Variants in MYOF observed in about 807,000 individuals in gnomAD.
MYOF encodes the protein myoferlin, also known as fer-1-like 3, myoferlin.
Under a neutral mutation model 284.2 loss-of-function variants are expected in MYOF, and 244 were observed. The observed-to-expected ratio is 0.86, with a 90% CI of 0.77 to 0.95. The LOEUF is 0.95. Ranked by LOEUF, MYOF falls within the 40% of genes least tolerant of loss-of-function variation. MYOF has a pLI of 0.00. For synonymous variants in MYOF, 904 were observed against 919.7 expected, an observed-to-expected ratio of 0.98 and a Z score of 0.31; for missense variants, 2,496 against 2,560.6, an observed-to-expected ratio of 0.97 and a Z score of 0.54.
At chr10:93,432,350 T>G (rs759350690) in intron 3 of MYOF, among the ~76,000 whole-genome samples, 5 of 151,888 alleles carry the variant, frequency 3.3e-5, no homozygotes, top group Non-Finnish European at 7.4e-5. Flanking sequence ...ATTGTATCAC[T>G]GTACCCAGGC....
chr10:93,366,316 G>T (rs905761880), intron 26 of MYOF, 76 bp downstream of exon 26: 12 of 1,443,086 alleles, frequency 8.3e-6, no homozygotes, highest in African/African-American at 2.9e-5. Flanking sequence ...GATGATGACG[G>T]AGATATAATA....
intron 53 of MYOF, 142 bp from the exon 54 acceptor site, chr10:93,307,143 T>C: frequency 1.4e-6 from 1 of 721,734 alleles, no homozygotes; most frequent in Non-Finnish European, 2.2e-6. Context: ...CATTGTAGGA[T>C]GTTCAGCAGC....
intron 5 of MYOF, among the ~76,000 whole-genome samples, chr10:93,415,768 T>C (rs1848093623): frequency 6.6e-6 from 1 of 152,158 alleles, no homozygotes; most frequent in Non-Finnish European, 1.5e-5. Flanking sequence ...CTTAAGGAGT[T>C]TTGCCTCTTT....
At chr10:93,375,776 A>C (rs1845809756) in intron 22 of MYOF, among the ~76,000 whole-genome samples, 1 of 152,192 alleles carries the variant, frequency 6.6e-6, no homozygotes, top group South Asian at 2.1e-4. Flanking sequence ...CTCCAGAAAG[A>C]TTTATGAACC....
chr10:93,361,609 A>G, intron 27 of MYOF, 52 bp from the exon 28 acceptor site: 1 of 1,570,504 alleles, frequency 6.4e-7, no homozygotes, highest in South Asian at 1.1e-5. Context: ...TAGTGTCAGT[A>G]AGAGGCAAAG....
At chr10:93,321,746 T>C (rs1842850613) in intron 48 of MYOF, among the ~76,000 whole-genome samples, 1 of 152,210 alleles carries the variant, frequency 6.6e-6, no homozygotes. Context: ...AATCTTTTCA[T>C]ACTTTAAGAC....
intron 16 of MYOF, among the ~76,000 whole-genome samples, chr10:93,393,786 C>A (rs1358525288): frequency 7.2e-5 from 11 of 152,166 alleles, no homozygotes; most frequent in Non-Finnish European, 1.5e-4. Context: ...CCTCCACTCC[C>A]CTTCCTCCTT....
At chr10:93,455,249 A>G (rs2056713171) in intron 2 of MYOF, among the ~76,000 whole-genome samples, 1 of 152,022 alleles carries the variant, frequency 6.6e-6, no homozygotes, top group Non-Finnish European at 1.5e-5. Flanking sequence ...CCTGCACTCC[A>G]GCCTGGGCAA....
intron 4 of MYOF, 125 bp from the exon 5 acceptor site, chr10:93,426,283 C>T (rs1163595412): frequency 1.1e-5 from 10 of 897,280 alleles, no homozygotes; most frequent in South Asian, 5.3e-5. Flanking sequence ...AGTAGGTAAG[C>T]GAGGCTGGAA....
chr10:93,369,243 C>A (rs879400288), intron 25 of MYOF, among the ~76,000 whole-genome samples: 3 of 121,846 alleles, frequency 2.5e-5, no homozygotes, highest in Non-Finnish European at 3.4e-5. Flanking sequence ...TCTCAAGTGT[C>A]CCCTCTCCTG....
chr10:93,465,412 AT>A (rs1258936029), intron 1 of MYOF, among the ~76,000 whole-genome samples: 1 of 152,202 alleles, frequency 6.6e-6, no homozygotes, highest in Non-Finnish European at 1.5e-5. Context: ...GGCTTTAATG[AT>A]TAAATGAAAG....
intron 16 of MYOF, among the ~76,000 whole-genome samples, chr10:93,394,945 GTTC>G (rs1846926853): frequency 1.3e-5 from 2 of 150,284 alleles, no homozygotes; most frequent in Admixed American, 1.3e-4. Context: ...TAATAACCAG[GTTC>G]TTATTTATGT....
intron 7 of MYOF, among the ~76,000 whole-genome samples, chr10:93,407,021 C>T (rs911844214): frequency 3.9e-5 from 6 of 152,050 alleles, no homozygotes; most frequent in African/African-American, 1.4e-4. Context: ...CTAAATATAT[C>T]ATTTCTCCCC....
rs774196633 is a variant in MYOF at position 93,356,663 on chromosome 10, C to T, written c.3294+12G>A. ...ACCAATATGATCTGCGCTCTGGCAACCTAGTACTTACAAGGGCACCTTCAA... is the reference window on the plus strand; with the variant it reads ...ACCAATATGATCTGCGCTCTGGCAATCTAGTACTTACAAGGGCACCTTCAA... On this transcript the variant is annotated intron_variant, in intron 30 of 53. Transcript: ENST00000359263. 2 of 1,610,458 alleles carry T rather than the reference C, an allele frequency of 1.2e-6. No individual in the cohort carries two copies. Among genetic ancestry groups the T allele is most frequent in the Admixed American group, 3.4e-5 (2 of 59,498 alleles).
intron 16 of MYOF, among the ~76,000 whole-genome samples, chr10:93,395,670 G>A (rs919916103): frequency 3.9e-5 from 6 of 151,920 alleles, no homozygotes; most frequent in African/African-American, 1.5e-4. Flanking sequence ...TTATCTTAGG[G>A]AGTGAGGACT....
Position 93,351,712 on chromosome 10 carries a change from G to A in MYOF, c.3616C>T (p.Gln1206Ter), listed in dbSNP as rs752098935. 6.3e-7 allele frequency: 1 copy of A among 1,598,628 alleles called. No homozygotes were observed. Among genetic ancestry groups the A allele is most frequent in the East Asian group, 2.2e-5 (1 of 44,806 alleles). ...TCCATGATAACTTTGGGTGGATTCT[G>A]TAGAACTGTTTGGGGTTCCCCATAG... is the stretch of plus-strand genomic sequence containing the variant. ...EIYGEPQTVL[Q>*]NPPKVIMELF... Residue 1206 changes from glutamine (Q) to a stop codon, truncating the protein, a stop_gained, in exon 33 of 54, where the codon CAG becomes TAG. Transcript: ENST00000359263. LOFTEE classifies it high-confidence loss of function.
intron 39 of MYOF, chr10:93,338,433 AG>A (rs144011558): frequency 0.014 from 6,589 of 456,896 alleles, 397 homozygotes; most frequent in African/African-American, 0.12. Flanking sequence ...GGCTTGGGCA[AG>A]TTGTTTAACA....
rs779005999 is a variant in MYOF, at chr10:93,316,780, G to A, written c.5632C>T (p.Arg1878Ter). The A allele has an allele frequency of 1.5e-5, 24 of 1,613,694 alleles. No individual in the cohort carries two copies. Among genetic ancestry groups the A allele is most frequent in the African/African-American group, 5.3e-5 (4 of 74,838 alleles). Residue 1878 changes from arginine (R) to a stop codon, truncating the protein, a stop_gained, in exon 50 of 54, where the codon CGA (arginine) becomes TGA (stop). Coordinates refer to ENST00000359263, the MANE Select transcript of MYOF (RefSeq NM_013451.4). LOFTEE classifies it high-confidence loss of function. ...HFWSIDQTEFRIPPRLIIQIW... is the reference protein window; with the variant it reads ...HFWSIDQTEF ...TGAATGATCAGCCTGGGTGGGATTC[G>A]AAATTCCGTTTGGTCAATACTCCAG...
intron 49 of MYOF, among the ~76,000 whole-genome samples, chr10:93,317,307 G>A (rs2133742093): frequency 7.3e-6 from 1 of 137,310 alleles, no homozygotes; most frequent in South Asian, 2.3e-4. Context: ...TCTTTTATCA[G>A]TGCAGATTTA....
Sources: gnomAD v4.1 joint callset for allele counts (sites outside exome capture counted in the v4.1 genomes callset) on GRCh38, gnomAD v4.1.1 for gene constraint, MANE v1.5 for transcripts, NCBI Gene and HGNC (gene_info 2026-07-23, HGNC 2026-07-21) for gene names.